Variants in LOC122539214 observed in about 807,000 individuals in gnomAD.
the LOC122539214 span, chr19:52,653,083 A>ATTTTTTTT: frequency 2.7e-6 from 4 of 1,487,966 alleles, no homozygotes; most frequent in Non-Finnish European, 3.7e-6. Context: ...TCCAGTATGA[A>ATTTTTTTT]TTGCCTTATG....
At chr19:52,670,549 A>G in the LOC122539214 span, among the ~76,000 whole-genome samples, 1 of 152,236 alleles carries the variant, frequency 6.6e-6, no homozygotes, top group African/African-American at 2.4e-5. Flanking sequence ...AACTTTATTT[A>G]CAACACACTT....
the LOC122539214 span, among the ~76,000 whole-genome samples, chr19:52,657,205 A>T: frequency 6.6e-6 from 1 of 152,216 alleles, no homozygotes; most frequent in Non-Finnish European, 1.5e-5. Context: ...TGAGAAGGTC[A>T]GCCAACATAC....
the LOC122539214 span, among the ~76,000 whole-genome samples, chr19:52,678,467 A>G: frequency 1.3e-5 from 2 of 150,228 alleles, no homozygotes; most frequent in Admixed American, 6.6e-5. Flanking sequence ...AAAAAAAAGA[A>G]AAAAGAAAAA....
chr19:52,682,433 G>A, the LOC122539214 span, among the ~76,000 whole-genome samples: 1 of 152,084 alleles, frequency 6.6e-6, no homozygotes, highest in Admixed American at 6.6e-5. Flanking sequence ...AACACTTTGG[G>A]AGGCTGAGGT....
the LOC122539214 span, among the ~76,000 whole-genome samples, chr19:52,673,373 C>T: frequency 6.6e-6 from 1 of 152,008 alleles, no homozygotes; most frequent in African/African-American, 2.4e-5. Flanking sequence ...GGTGATGGCG[C>T]ATGCCTGTAA....
the LOC122539214 span, among the ~76,000 whole-genome samples, chr19:52,663,610 T>TGA: frequency 3.3e-3 from 498 of 152,354 alleles, 5 homozygotes; most frequent in African/African-American, 0.011. Context: ...ATTTCCTTGA[T>TGA]ATCTTTATTG....
chr19:52,680,684 C>T, the LOC122539214 span, among the ~76,000 whole-genome samples: 4 of 134,694 alleles, frequency 3.0e-5, no homozygotes, highest in Admixed American at 7.7e-5. Flanking sequence ...GCGATCTCGG[C>T]TCACTGCAAG....
At chr19:52,656,738 C>G in the LOC122539214 span, among the ~76,000 whole-genome samples, 1 of 151,710 alleles carries the variant, frequency 6.6e-6, no homozygotes. Context: ...TGGTGGTGTG[C>G]GCCTGTAGCC....
chr19:52,688,955 A>G, the LOC122539214 span, among the ~76,000 whole-genome samples: 2 of 21,810 alleles, frequency 9.2e-5, no homozygotes, highest in East Asian at 9.2e-4. Context: ...TGAAGGAAAA[A>G]AAAAAAAAAA....
the LOC122539214 span, among the ~76,000 whole-genome samples, chr19:52,671,184 CAT>C: frequency 6.6e-6 from 1 of 151,944 alleles, no homozygotes; most frequent in Non-Finnish European, 1.5e-5. Context: ...TCTTCTTTGC[CAT>C]ATGTTTTGTG....
chr19:52,672,486 G>C, the LOC122539214 span, among the ~76,000 whole-genome samples: 2 of 152,208 alleles, frequency 1.3e-5, no homozygotes, highest in East Asian at 3.8e-4. Context: ...GGTGGCTTGT[G>C]CCTGTAATCC....
At chr19:52,661,191 C>G in the LOC122539214 span, among the ~76,000 whole-genome samples, 9 of 152,108 alleles carry the variant, frequency 5.9e-5, no homozygotes, top group African/African-American at 2.2e-4. Context: ...ACCACACATT[C>G]CTTTCCTGTG....
At chr19:52,680,572 C>T in the LOC122539214 span, among the ~76,000 whole-genome samples, 1 of 151,354 alleles carries the variant, frequency 6.6e-6, no homozygotes, top group Admixed American at 6.6e-5. Flanking sequence ...ATTTTTTCTC[C>T]ACAGTTGTGT....
chr19:52,676,722 G>A, the LOC122539214 span, among the ~76,000 whole-genome samples: 1,315 of 138,982 alleles, frequency 9.5e-3, 20 homozygotes, highest in African/African-American at 0.032. Context: ...AAATCGGATG[G>A]TTGCCGTGTC....
chr19:52,679,969 T>C, the LOC122539214 span, among the ~76,000 whole-genome samples: 1 of 151,798 alleles, frequency 6.6e-6, no homozygotes, highest in Non-Finnish European at 1.5e-5. Flanking sequence ...TCACCTGAGG[T>C]TGGGGTTCGA....
the LOC122539214 span, among the ~76,000 whole-genome samples, chr19:52,675,421 C>A: frequency 6.6e-6 from 1 of 152,152 alleles, no homozygotes; most frequent in African/African-American, 2.4e-5. Context: ...GATACAAGGG[C>A]TGAGCTGGGA....
chr19:52,675,214 C>G, the LOC122539214 span, among the ~76,000 whole-genome samples: 1 of 152,180 alleles, frequency 6.6e-6, no homozygotes, highest in South Asian at 2.1e-4. Context: ...ATTAACATTA[C>G]TTCTCAAATA....
the LOC122539214 span, among the ~76,000 whole-genome samples, chr19:52,664,585 G>T: frequency 6.6e-6 from 1 of 152,140 alleles, no homozygotes. Context: ...TTAAGTCCAC[G>T]CCATCTGCTT....
the LOC122539214 span, among the ~76,000 whole-genome samples, chr19:52,681,297 A>AAAAAAC: frequency 6.7e-6 from 1 of 150,192 alleles, no homozygotes. Flanking sequence ...AAAAAAAAAA[A>AAAAAAC]AAAAGCAAAC....
Sources: allele counts gnomAD v4.1 joint callset (sites outside exome capture counted in the v4.1 genomes callset), GRCh38; gene constraint gnomAD v4.1.1; transcripts MANE v1.5.